The following LRRC4C variants were observed in gnomAD, a reference collection of about 807,000 sequenced individuals.
LRRC4C encodes leucine rich repeat containing 4C, also known as leucine-rich repeat-containing protein 4C.
A neutral mutation model predicts 33.6 loss-of-function variants in LRRC4C; 5 were observed. That is an observed-to-expected ratio of 0.15 (90% CI 0.08 to 0.31). The LOEUF (loss-of-function observed/expected upper bound fraction) is 0.31. Among genes scored for constraint, LRRC4C ranks in the 10% least tolerant of loss-of-function variants. LRRC4C has a pLI of 1.00. For missense variants in LRRC4C, 560 were observed against 796.7 expected, an observed-to-expected ratio of 0.70 and a Z score of 3.58; for synonymous variants, 329 against 302.0, an observed-to-expected ratio of 1.09 and a Z score of -0.93.
intron 1 of LRRC4C, among the ~76,000 whole-genome samples, chr11:40,976,061 A>G (rs532129537): frequency 4.6e-5 from 7 of 152,338 alleles, no homozygotes; most frequent in Admixed American, 6.5e-5. Flanking sequence ...AAAGAAGGTC[A>G]CAGTCATCCT....
At chr11:41,354,746 G>C (rs1036495055) in intron 1 of LRRC4C, among the ~76,000 whole-genome samples, 1 of 151,954 alleles carries the variant, frequency 6.6e-6, no homozygotes, top group Admixed American at 6.6e-5. Flanking sequence ...TCAATAATAA[G>C]CAATGGGGAA....
intron 3 of LRRC4C, among the ~76,000 whole-genome samples, chr11:40,427,035 T>C (rs959479133): frequency 2.6e-5 from 4 of 152,174 alleles, no homozygotes; most frequent in Non-Finnish European, 5.9e-5. Flanking sequence ...AATCACCTTC[T>C]GAGATATTTA....
chr11:40,268,732 C>G (rs1018735489), intron 4 of LRRC4C, among the ~76,000 whole-genome samples: 1 of 152,030 alleles, frequency 6.6e-6, no homozygotes, highest in African/African-American at 2.4e-5. Context: ...TCTGGAGATT[C>G]TGTTTAGCAT....
At chr11:40,690,502 C>T (rs1349710532) in intron 2 of LRRC4C, among the ~76,000 whole-genome samples, 2 of 151,908 alleles carry the variant, frequency 1.3e-5, no homozygotes, top group Non-Finnish European at 2.9e-5. Flanking sequence ...GCTTTATAGG[C>T]GAAAAAACAG....
intron 3 of LRRC4C, among the ~76,000 whole-genome samples, chr11:40,551,976 T>C (rs570616295): frequency 2.6e-5 from 4 of 152,328 alleles, no homozygotes; most frequent in African/African-American, 9.6e-5. Flanking sequence ...GTGATCCTCA[T>C]CCAATTCATT....
At chr11:40,146,513 A>G (rs1857745438) in intron 5 of LRRC4C, among the ~76,000 whole-genome samples, 1 of 152,154 alleles carries the variant, frequency 6.6e-6, no homozygotes, top group African/African-American at 2.4e-5. Context: ...TACAATTTCC[A>G]CATGTCTCTG....
At chr11:41,321,864 CTG>C (rs1950968413) in intron 1 of LRRC4C, among the ~76,000 whole-genome samples, 1 of 151,806 alleles carries the variant, frequency 6.6e-6, no homozygotes, top group South Asian at 2.1e-4. Context: ...TTATATTAAA[CTG>C]TTTCTTTTTT....
intron 1 of LRRC4C, among the ~76,000 whole-genome samples, chr11:41,308,133 A>G (rs1237578109): frequency 6.6e-6 from 1 of 152,226 alleles, no homozygotes; most frequent in South Asian, 2.1e-4. Flanking sequence ...GGGAGAAATC[A>G]GTAAAGTTGC....
At chr11:40,991,204 TAAAAAAAAA>T (rs1186155913) in intron 1 of LRRC4C, among the ~76,000 whole-genome samples, 1 of 103,340 alleles carries the variant, frequency 9.7e-6, no homozygotes, top group Non-Finnish European at 1.9e-5. Context: ...TCCCAATATG[TAAAAAAAAA>T]AAAAAAAAAA....
intron 4 of LRRC4C, among the ~76,000 whole-genome samples, chr11:40,257,541 G>A (rs1867308506): frequency 6.6e-6 from 1 of 152,068 alleles, no homozygotes; most frequent in Admixed American, 6.6e-5. Flanking sequence ...GCTTGATGCA[G>A]CCCCGAAGAG....
At chr11:40,977,511 A>G (rs1239360458) in intron 1 of LRRC4C, among the ~76,000 whole-genome samples, 1 of 152,150 alleles carries the variant, frequency 6.6e-6, no homozygotes, top group Non-Finnish European at 1.5e-5. Flanking sequence ...AGTCTCTGTG[A>G]CTTAAGACTC....
chr11:40,533,564 C>A (rs974387257), intron 3 of LRRC4C, among the ~76,000 whole-genome samples: 2 of 152,140 alleles, frequency 1.3e-5, no homozygotes, highest in Non-Finnish European at 2.9e-5. Flanking sequence ...ACTCTCTGTG[C>A]TGCCCTCCAG....
intron 3 of LRRC4C, among the ~76,000 whole-genome samples, chr11:40,593,616 A>G (rs1390595982): frequency 2.0e-5 from 3 of 152,184 alleles, no homozygotes; most frequent in Non-Finnish European, 4.4e-5. Flanking sequence ...TTCAGCTGCT[A>G]TGTAACTCTA....
chr11:40,857,365 CA>C (rs1476598003), intron 2 of LRRC4C, among the ~76,000 whole-genome samples: 1 of 152,144 alleles, frequency 6.6e-6, no homozygotes, highest in Non-Finnish European at 1.5e-5. Flanking sequence ...ACCCTGCCAA[CA>C]GGCCCCAGTG....
intron 5 of LRRC4C, among the ~76,000 whole-genome samples, chr11:40,148,511 C>T (rs1354242403): frequency 6.6e-6 from 1 of 151,982 alleles, no homozygotes; most frequent in African/African-American, 2.4e-5. Context: ...TGTCCTTTGC[C>T]CTCTTTTAAC....
chr11:40,587,687 G>A (rs1461201485), intron 3 of LRRC4C, among the ~76,000 whole-genome samples: 4 of 151,822 alleles, frequency 2.6e-5, no homozygotes, highest in Non-Finnish European at 5.9e-5. Context: ...TAGCATGAAG[G>A]GTTGTTGAAT....
chr11:40,168,340 G>T (rs2135411635), intron 5 of LRRC4C, among the ~76,000 whole-genome samples: 1 of 152,266 alleles, frequency 6.6e-6, no homozygotes, highest in East Asian at 1.9e-4. Context: ...AAGGGGTTCT[G>T]GGTAGGGTTG....
intron 3 of LRRC4C, among the ~76,000 whole-genome samples, chr11:40,407,609 G>A (rs1411783528): frequency 6.6e-6 from 1 of 152,002 alleles, no homozygotes; most frequent in East Asian, 1.9e-4. Context: ...CTGGGCTAAG[G>A]CAATGGCAGA....
intron 3 of LRRC4C, among the ~76,000 whole-genome samples, chr11:40,367,660 C>G (rs1160050025): frequency 6.6e-6 from 1 of 152,022 alleles, no homozygotes; most frequent in Non-Finnish European, 1.5e-5. Context: ...TTTTGGAGAA[C>G]TTAGTTATCC....
Sources: gnomAD v4.1 joint callset for allele counts (sites outside exome capture counted in the v4.1 genomes callset) on GRCh38, gnomAD v4.1.1 for gene constraint, MANE v1.5 for transcripts, NCBI Gene and HGNC (gene_info 2026-07-23, HGNC 2026-07-21) for gene names.